Variants in TMEM51 observed in about 807,000 individuals in gnomAD.
TMEM51 encodes the protein transmembrane protein 51.
A neutral mutation model predicts 13.6 loss-of-function variants in TMEM51; 8 were observed. That is an observed-to-expected ratio of 0.59 (90% CI 0.35 to 1.07). The LOEUF (loss-of-function observed/expected upper bound fraction) is 1.07. Ranked by LOEUF, TMEM51 falls within the 50% of genes least tolerant of loss-of-function variation. TMEM51 has a pLI of 0.02. For missense variants in TMEM51, 279 were observed against 330.7 expected (o/e 0.84, Z 1.21); for synonymous variants, 147 against 144.4 (o/e 1.02, Z -0.13).
At position 15,162,306 on chromosome 1, in the gene TMEM51, G is replaced by A. The variant is rs537709681; in HGVS notation, c.-267+8352G>A. 3.9e-5 allele frequency among the ~76,000 whole-genome samples: 6 copies of A among 152,120 alleles called. No homozygotes were observed. The East Asian group carries it at 1.2e-3, about 29-fold the overall frequency. The stretch of plus-strand genomic sequence containing the variant: ...GCTTCCCAAGTAGCTGGGATTACAG[G>A]CATGTGCCACCATGTCCAGCTAATT... On this transcript the variant is annotated intron_variant, in intron 1 of 3. Transcript: ENST00000376008.
intron 1 of TMEM51, among the ~76,000 whole-genome samples, chr1:15,210,024 C>CAGGA (rs1428283410): frequency 3.9e-4 from 59 of 151,488 alleles, no homozygotes; most frequent in South Asian, 1.0e-3. Flanking sequence ...AAGTAAGACT[C>CAGGA]AGGAAGGAAG....
chr1:15,153,382 C>T (rs1388064502), upstream of TMEM51, among the ~76,000 whole-genome samples: 1 of 152,166 alleles, frequency 6.6e-6, no homozygotes, highest in Non-Finnish European at 1.5e-5. Flanking sequence ...TCCCCGACCA[C>T]CACCCGTCAC....
rs572398524 is a variant in TMEM51, at chr1:15,171,113, C to T, written c.-267+17159C>T. On this transcript the variant is annotated intron_variant, in intron 1 of 3. Coordinates refer to ENST00000376008, the MANE Select transcript of TMEM51 (RefSeq NM_001136218.2). The stretch of plus-strand genomic sequence containing the variant: ...GTCCTCCCTCCTCCTCCACCCCCCG[C>T]CACATCCCCCACCCCCAGTTGCTGA... 4.0e-5 allele frequency: 44 copies of T among 1,099,890 alleles called. No homozygotes were observed. In the African/African-American group the frequency reaches 6.5e-4, roughly 16 times the overall value. 68.1% of individuals were successfully genotyped at this position (1,099,890 alleles called of 1,614,324 possible).
chr1:15,181,748 T>C (rs537083274), intron 1 of TMEM51, among the ~76,000 whole-genome samples: 2 of 152,350 alleles, frequency 1.3e-5, no homozygotes, highest in African/African-American at 4.8e-5. Flanking sequence ...AACCACAGCA[T>C]GGGTTTCTCA....
chr1:15,171,006 ATGCT>A (rs1224288978), intron 1 of TMEM51, among the ~76,000 whole-genome samples: 1 of 151,962 alleles, frequency 6.6e-6, no homozygotes, highest in Non-Finnish European at 1.5e-5. Context: ...GGTTTTCTAA[ATGCT>A]TGCATGAGTG....
At chr1:15,197,459 C>T (rs1573429078) in intron 1 of TMEM51, among the ~76,000 whole-genome samples, 1 of 152,282 alleles carries the variant, frequency 6.6e-6, no homozygotes, top group South Asian at 2.1e-4. Flanking sequence ...TTGGACCCTG[C>T]GTTTTCAGGG....
chr1:15,153,152 A>G (rs993179897), upstream of TMEM51, among the ~76,000 whole-genome samples: 3 of 152,120 alleles, frequency 2.0e-5, no homozygotes, highest in Admixed American at 6.5e-5. Context: ...CTCCTTCCCT[A>G]CTTGTGCCGG....
Position 15,176,036 on chromosome 1 carries a change from C to T in TMEM51, c.-267+22082C>T, listed in dbSNP as rs1292922519. On this transcript the variant is annotated intron_variant, in intron 1 of 3. Transcript: ENST00000376008. ...CTTGACTCTTACATTCTTCTGTTTT[C>T]TTTTCCAGACATCTTGTGATAGGTT... Among the ~76,000 whole-genome samples the T allele has an allele frequency of 2.6e-4, 39 of 152,214 alleles. 2 individuals carry two copies. The highest frequency in any genetic ancestry group is 2.9e-5 in the Non-Finnish European group (2 of 68,044).
intron 1 of TMEM51, among the ~76,000 whole-genome samples, chr1:15,188,272 C>G (rs1643846697): frequency 6.6e-6 from 1 of 152,198 alleles, no homozygotes; most frequent in Admixed American, 6.5e-5. Flanking sequence ...CCTGCAAACC[C>G]AGAGGGACAG....
intron 1 of TMEM51, among the ~76,000 whole-genome samples, chr1:15,163,632 A>AT (rs1249195394): frequency 1.7e-4 from 26 of 151,908 alleles, no homozygotes; most frequent in Non-Finnish European, 3.2e-4. Flanking sequence ...CGAGACTGTT[A>AT]TTTTTTGTAA....
chr1:15,215,888 A>G (rs372320595), intron 3 of TMEM51, among the ~76,000 whole-genome samples: 98 of 152,208 alleles, frequency 6.4e-4, no homozygotes, highest in African/African-American at 2.2e-3. Context: ...TTAGCTGGGC[A>G]TGGTGGCACA....
intron 1 of TMEM51, among the ~76,000 whole-genome samples, chr1:15,201,134 C>T (rs1467743191): frequency 6.6e-6 from 1 of 152,198 alleles, no homozygotes; most frequent in African/African-American, 2.4e-5. Flanking sequence ...CTGCACCATT[C>T]ACTGTGTGAC....
chr1:15,213,785 G>A lies in TMEM51; in HGVS notation c.-193-1110G>A, dbSNP rs1443703759. 3.3e-4 allele frequency among the ~76,000 whole-genome samples: 50 copies of A among 152,166 alleles called. 1 individual carries two copies. The highest frequency in any genetic ancestry group is 3.3e-3 in the Admixed American group (50 of 15,272). On this transcript the variant is annotated intron_variant, in intron 2 of 3. Transcript: ENST00000376008. ...GAGAACTCGATGTGGTTTCAGAGAAGCTTGTCTTGCTGGGTGACTTCATGT... is the reference window on the plus strand; with the variant it reads ...GAGAACTCGATGTGGTTTCAGAGAAACTTGTCTTGCTGGGTGACTTCATGT...
At chr1:15,209,076 T>G (rs1218370324) in intron 1 of TMEM51, among the ~76,000 whole-genome samples, 1 of 152,004 alleles carries the variant, frequency 6.6e-6, no homozygotes, top group Non-Finnish European at 1.5e-5. Context: ...TTTGTTTGTT[T>G]CTATGTTTGT....
At chr1:15,186,620 T>C (rs1181952693) in intron 1 of TMEM51, among the ~76,000 whole-genome samples, 1 of 152,108 alleles carries the variant, frequency 6.6e-6, no homozygotes, top group Non-Finnish European at 1.5e-5. Context: ...GTGGGGAAGA[T>C]TAAATGAAAT....
At chr1:15,202,247 T>C (rs1163301302) in intron 1 of TMEM51, among the ~76,000 whole-genome samples, 1 of 152,116 alleles carries the variant, frequency 6.6e-6, no homozygotes, top group East Asian at 1.9e-4. Context: ...ACCAAGCGAT[T>C]GGTTTTATCA....
At chr1:15,179,438 T>C (rs1643545700) in intron 1 of TMEM51, among the ~76,000 whole-genome samples, 1 of 152,060 alleles carries the variant, frequency 6.6e-6, no homozygotes, top group South Asian at 2.1e-4. Context: ...GGCCACACCA[T>C]GGGTGAGCAA....
chr1:15,165,902 C>T (rs2100823626), intron 1 of TMEM51, among the ~76,000 whole-genome samples: 1 of 147,960 alleles, frequency 6.8e-6, no homozygotes, highest in African/African-American at 2.6e-5. Flanking sequence ...TGCGCCACTG[C>T]ACTCCAGCCT....
intron 1 of TMEM51, among the ~76,000 whole-genome samples, chr1:15,203,040 T>C (rs4661599): frequency 0.42 from 64,525 of 152,056 alleles, 14,864 homozygotes; most frequent in East Asian, 0.9. Context: ...CTGCAGGGCA[T>C]TGGGTCAAGG....
Sources: gnomAD v4.1 joint callset for allele counts (sites outside exome capture counted in the v4.1 genomes callset) on GRCh38, gnomAD v4.1.1 for gene constraint, MANE v1.5 for transcripts, NCBI Gene and HGNC (gene_info 2026-07-23, HGNC 2026-07-21) for gene names.